Variants in HNRNPA1L2 observed in about 807,000 individuals in gnomAD.
The protein encoded by HNRNPA1L2 is heterogeneous nuclear ribonucleoprotein A1 like 2.
HNRNPA1L2 carries 10 observed loss-of-function variants against 18.2 expected under a neutral mutation model. The observed-to-expected ratio is 0.55, with a 90% CI of 0.34 to 0.93. HNRNPA1L2 has a LOEUF of 0.93. HNRNPA1L2 is among the 40% of genes least tolerant of loss of function. The probability of loss-of-function intolerance (pLI) is 0.02; values close to 1 mark genes in which losing one functional copy is unlikely to be tolerated. For synonymous variants in HNRNPA1L2, 124 were observed against 138.6 expected (o/e 0.89, Z 0.74); for missense variants, 308 against 394.4 (o/e 0.78, Z 1.85).
chr13:52,632,976 T>C, the HNRNPA1L2 span, among the ~76,000 whole-genome samples: 1 of 152,228 alleles, frequency 6.6e-6, no homozygotes, highest in Non-Finnish European at 1.5e-5. Context: ...ACATATACCC[T>C]TAAGTAACCT....
At chr13:52,617,686 C>CCGCA in the HNRNPA1L2 span, 1 of 447,070 alleles carries the variant, frequency 2.2e-6, no homozygotes, top group Non-Finnish European at 4.1e-6. Flanking sequence ...CTGTCAGGTA[C>CCGCA]CGCAGTTCAG....
chr13:52,642,746 A>G lies in HNRNPA1L2; in HGVS notation c.254A>G (p.Glu85Gly), dbSNP rs746110304. 6.3e-7 allele frequency: 1 copy of G among 1,599,774 alleles called. No individual in the cohort carries two copies. The highest frequency in any genetic ancestry group is 8.5e-7 in the Non-Finnish European group (1 of 1,179,772). Reference protein sequence around the residue: ...TPHKVDGRVVEPKRAVSREDS... With the variant: ...TPHKVDGRVVGPKRAVSREDS... ...CACAAGGTGGATGGAAGAGTTGTGG[A>G]ACCAAAGAGAGCTGTCTCCAGAGAA... Residue 85 changes from glutamate to glycine, a missense_variant, in exon 1 of 1, where the codon GAA becomes GGA. Glu to Gly is a moderately conservative substitution (Grantham distance 98). Coordinates refer to ENST00000357495, the MANE Select transcript of HNRNPA1L2 (RefSeq NM_001389320.1).
chr13:52,618,168 GAT>G, the HNRNPA1L2 span, among the ~76,000 whole-genome samples: 1 of 152,230 alleles, frequency 6.6e-6, no homozygotes, highest in East Asian at 1.9e-4. Context: ...TAATTGCTGA[GAT>G]AGTGTATGGA....
the HNRNPA1L2 span, chr13:52,637,187 A>T: frequency 6.5e-6 from 1 of 152,964 alleles, no homozygotes; most frequent in African/African-American, 2.4e-5. Flanking sequence ...TTTATTATAT[A>T]CTGTAATTAT....
chr13:52,640,358 C>T (rs190028690), upstream of HNRNPA1L2, among the ~76,000 whole-genome samples: 2 of 152,300 alleles, frequency 1.3e-5, no homozygotes, highest in Admixed American at 1.3e-4. Flanking sequence ...TCTTGCTACT[C>T]AGAGTGGTCC....
the HNRNPA1L2 span, among the ~76,000 whole-genome samples, chr13:52,631,559 A>G: frequency 5.3e-5 from 8 of 152,246 alleles, no homozygotes; most frequent in Non-Finnish European, 1.0e-4. Context: ...CTTTGTTTAC[A>G]AATAACTTGG....
chr13:52,623,469 G>T, the HNRNPA1L2 span, among the ~76,000 whole-genome samples: 1 of 152,204 alleles, frequency 6.6e-6, no homozygotes, highest in African/African-American at 2.4e-5. Context: ...CAGGATGGGT[G>T]TGATGTATGT....
At chr13:52,623,929 T>C in the HNRNPA1L2 span, among the ~76,000 whole-genome samples, 1 of 152,182 alleles carries the variant, frequency 6.6e-6, no homozygotes, top group Non-Finnish European at 1.5e-5. Flanking sequence ...TGGAATCATC[T>C]GAAGTTTGCC....
chr13:52,637,698 C>T (rs1005950793), upstream of HNRNPA1L2, among the ~76,000 whole-genome samples: 5 of 152,052 alleles, frequency 3.3e-5, no homozygotes, highest in African/African-American at 1.2e-4. Flanking sequence ...ATCAACATAA[C>T]GCGGTATTTC....
the HNRNPA1L2 span, among the ~76,000 whole-genome samples, chr13:52,628,031 A>G: frequency 6.6e-6 from 1 of 151,934 alleles, no homozygotes; most frequent in Non-Finnish European, 1.5e-5. Context: ...TCATTATTTT[A>G]TGCTACGTTA....
the HNRNPA1L2 span, among the ~76,000 whole-genome samples, chr13:52,620,535 C>T: frequency 2.6e-5 from 4 of 152,330 alleles, no homozygotes; most frequent in East Asian, 7.7e-4. Context: ...AATGCAAATT[C>T]TCAAGTGTCT....
chr13:52,633,129 G>A, the HNRNPA1L2 span, among the ~76,000 whole-genome samples: 1 of 152,184 alleles, frequency 6.6e-6, no homozygotes, highest in Non-Finnish European at 1.5e-5. Context: ...CCACTAATTT[G>A]GGTTAGAACA....
the HNRNPA1L2 span, among the ~76,000 whole-genome samples, chr13:52,633,871 C>T: frequency 6.6e-6 from 1 of 152,172 alleles, no homozygotes; most frequent in Non-Finnish European, 1.5e-5. Context: ...CCTCCAATGA[C>T]TCATTTAATC....
At position 52,642,888 on chromosome 13, in the gene HNRNPA1L2, A is replaced by C. The variant is rs1961707269; in HGVS notation, c.396A>C (p.Glu132Asp). Residue 132 changes from glutamate to aspartate, a missense_variant, in exon 1 of 1, where the codon GAA (glutamate) becomes GAC (aspartate). By Grantham distance (45) the Glu-to-Asp change is conservative. Transcript: ENST00000357495. The part of the protein sequence containing the change: ...RDYFEQYGKI[E>D]VIEIMTDRGS... The stretch of plus-strand genomic sequence containing the variant: ...ATTTTGAACAGTATGGAAAAATTGA[A>C]GTAATTGAAATCATGACTGACCGAG... 4.4e-6 allele frequency: 7 copies of C among 1,596,632 alleles called. No homozygotes were observed. In the East Asian group the frequency reaches 1.6e-4, roughly 36 times the overall value.
rs764706930 is a variant in HNRNPA1L2 at position 52,642,442 on chromosome 13, C to T, written c.-51C>T. On this transcript the variant is annotated 5_prime_UTR_variant, in exon 1 of 1. Coordinates refer to ENST00000357495, the MANE Select transcript of HNRNPA1L2 (RefSeq NM_001389320.1). The stretch of plus-strand genomic sequence containing the variant: ...AGATCTCTGGTGGACTTTTTCTGCC[C>T]GTGGACGCCGCTGAAGAAGCATCGT... The T allele has an allele frequency of 2.3e-5, 37 of 1,599,744 alleles. No individual in the cohort carries two copies. In the Admixed American group the frequency reaches 3.1e-4, roughly 13 times the overall value.
At chr13:52,639,971 A>T (rs186838244), upstream of HNRNPA1L2, among the ~76,000 whole-genome samples, 7 of 145,414 alleles carry the variant, frequency 4.8e-5, no homozygotes, top group Admixed American at 2.1e-4. Flanking sequence ...GGCTCACTGC[A>T]ACTGTCACCT....
In HNRNPA1L2 at chr13:52,643,060, TCATC is replaced by T. The variant is rs1163204616; in HGVS notation, c.571_574del (p.Ser191AlafsTer85). ...GCCAAAGCAAGAGATGGCTAGTGCT[TCATC>T]CAGCCAAAGAGGTCGAAGGGGTTCT... On this transcript the variant is annotated frameshift_variant, in exon 1 of 1. Coordinates refer to ENST00000357495, the MANE Select transcript of HNRNPA1L2 (RefSeq NM_001389320.1). LOFTEE classifies it high-confidence loss of function. 10 of 1,597,458 alleles carry T rather than the reference TCATC, an allele frequency of 6.3e-6. No individual in the cohort carries two copies. In the East Asian group the frequency reaches 2.2e-4, roughly 36 times the overall value.
chr13:52,619,877 C>T, the HNRNPA1L2 span, among the ~76,000 whole-genome samples: 1 of 142,068 alleles, frequency 7.0e-6, no homozygotes, highest in Non-Finnish European at 1.5e-5. Context: ...GCTGAAATCG[C>T]GCCACTGCAC....
upstream of HNRNPA1L2, among the ~76,000 whole-genome samples, chr13:52,638,536 C>T (rs1220641350): frequency 6.6e-6 from 1 of 152,116 alleles, no homozygotes; most frequent in East Asian, 1.9e-4. Flanking sequence ...TCTTAAGATT[C>T]TTGTCTTACC....
Sources: allele counts gnomAD v4.1 joint callset (sites outside exome capture counted in the v4.1 genomes callset), GRCh38; gene constraint gnomAD v4.1.1; transcripts MANE v1.5; gene names NCBI Gene and HGNC (gene_info 2026-07-23, HGNC 2026-07-21).